Variants in DIAPH2 observed in about 807,000 individuals in gnomAD.
DIAPH2 encodes the protein diaphanous related formin 2.
DIAPH2 carries 35 observed loss-of-function variants against 92.7 expected under a neutral mutation model. That is an observed-to-expected ratio of 0.38 (90% CI 0.29 to 0.50). The LOEUF is 0.50. Ranked by LOEUF, DIAPH2 falls within the 20% of genes least tolerant of loss-of-function variation. The pLI, the probability that DIAPH2 is intolerant of heterozygous loss-of-function variation, is 0.94. For missense variants in DIAPH2, 701 were observed against 819.5 expected (o/e 0.86, Z 1.77); for synonymous variants, 301 against 280.4 (o/e 1.07, Z -0.73).
chrX:97,077,678 TAAAAAACAAAAAAC>T (rs370509695), intron 19 of DIAPH2, among the ~76,000 whole-genome samples: 8 of 111,846 alleles, frequency 7.2e-5, no homozygotes, highest in Non-Finnish European at 1.3e-4. Flanking sequence ...TTGTCTTACT[TAAAAAACAAAAAAC>T]AAAAAACAGA....
intron 19 of DIAPH2, among the ~76,000 whole-genome samples, chrX:97,096,417 C>T (rs1265570261): frequency 8.9e-6 from 1 of 111,801 alleles, no homozygotes; most frequent in Non-Finnish European, 1.9e-5. Flanking sequence ...TTGCAGGACC[C>T]TGATTCTTAT....
At chrX:96,772,126 A>T (rs2064343015) in intron 4 of DIAPH2, among the ~76,000 whole-genome samples, 1 of 111,683 alleles carries the variant, frequency 9.0e-6, no homozygotes, top group Non-Finnish European at 1.9e-5. Flanking sequence ...TAGTTAATCA[A>T]GTTTCTTCTG....
intron 23 of DIAPH2, among the ~76,000 whole-genome samples, chrX:97,285,505 C>G (rs922783549): frequency 1.1e-4 from 12 of 109,386 alleles, no homozygotes; most frequent in Non-Finnish European, 2.1e-4. Flanking sequence ...ATGGATACTA[C>G]AAACTTGGTT....
intron 26 of DIAPH2, among the ~76,000 whole-genome samples, chrX:97,463,340 C>T (rs1252587619): frequency 9.6e-6 from 1 of 104,114 alleles, no homozygotes; most frequent in Non-Finnish European, 2.0e-5. Flanking sequence ...CCCTGTAGGT[C>T]GGGGTCCTTC....
intron 4 of DIAPH2, among the ~76,000 whole-genome samples, chrX:96,785,475 CTTTTTTTTTT>C (rs1157552270): frequency 3.5e-5 from 2 of 57,203 alleles, no homozygotes; most frequent in African/African-American, 6.9e-5. Flanking sequence ...CCAAACTTGC[CTTTTTTTTTT>C]TTTTTTTTTT....
At chrX:96,844,475 C>G (rs1050033929) in intron 4 of DIAPH2, among the ~76,000 whole-genome samples, 1 of 112,274 alleles carries the variant, frequency 8.9e-6, no homozygotes, top group African/African-American at 3.2e-5. Context: ...ATATTCTTTA[C>G]TAAGTCATTA....
intron 26 of DIAPH2, among the ~76,000 whole-genome samples, chrX:97,591,449 C>G (rs947228531): frequency 2.0e-4 from 22 of 112,179 alleles, no homozygotes; most frequent in African/African-American, 7.1e-4. Context: ...CAGAAGAAAG[C>G]CTTTCCTTTC....
intron 21 of DIAPH2, among the ~76,000 whole-genome samples, chrX:97,127,368 A>G (rs1476045943): frequency 8.9e-6 from 1 of 112,162 alleles, no homozygotes. Flanking sequence ...ACATATTAAA[A>G]CAGAATCCTC....
intron 23 of DIAPH2, among the ~76,000 whole-genome samples, chrX:97,258,898 C>T (rs1415926214): frequency 1.1e-5 from 1 of 93,968 alleles, no homozygotes; most frequent in East Asian, 3.4e-4. Context: ...AAAACAACAA[C>T]AACAACAACA....
intron 17 of DIAPH2, among the ~76,000 whole-genome samples, chrX:97,047,637 G>A (rs1236319456): frequency 2.3e-5 from 2 of 87,821 alleles, no homozygotes; most frequent in African/African-American, 4.5e-5. Context: ...AGTTAGCCAA[G>A]TATATACTTT....
chrX:97,258,134 A>C (rs1160734765), intron 23 of DIAPH2, among the ~76,000 whole-genome samples: 5 of 112,231 alleles, frequency 4.5e-5, no homozygotes, highest in Non-Finnish European at 1.9e-5. Context: ...CTCATTATTC[A>C]AGGAATATCC....
chrX:96,999,862 A>G (rs1339326024), intron 17 of DIAPH2, among the ~76,000 whole-genome samples: 1 of 111,199 alleles, frequency 9.0e-6, no homozygotes, highest in Non-Finnish European at 1.9e-5. Context: ...TGTTCTCATG[A>G]TAGTGAATAA....
intron 23 of DIAPH2, among the ~76,000 whole-genome samples, chrX:97,338,745 C>A (rs1474734405): frequency 1.8e-5 from 2 of 112,317 alleles, no homozygotes; most frequent in African/African-American, 6.5e-5. Context: ...TCTATGAGCT[C>A]TATAAACTCT....
At chrX:97,177,704 C>G (rs1333070870) in intron 22 of DIAPH2, among the ~76,000 whole-genome samples, 3 of 50,149 alleles carry the variant, frequency 6.0e-5, no homozygotes, top group Non-Finnish European at 1.1e-4. Flanking sequence ...TCTGAAAAGC[C>G]TACTTAAAAA....
At chrX:97,011,891 CAAAAAAAAAAA>C (rs1169242843) in intron 17 of DIAPH2, among the ~76,000 whole-genome samples, 112 of 32,207 alleles carry the variant, frequency 3.5e-3, no homozygotes, top group African/African-American at 0.015. Flanking sequence ...GACACTGTCT[CAAAAAAAAAAA>C]AAAAAAAAAA....
In DIAPH2 at chrX:97,603,998, C is replaced by CAAATT. The variant is rs1457422532; in HGVS notation, c.*4683_*4687dup. 3 of 112,683 alleles carry CAAATT rather than the reference C, an allele frequency of 2.7e-5. No homozygotes were observed. The highest frequency in any genetic ancestry group is 9.7e-5 in the African/African-American group (3 of 30,943). The allele number at this position is 112,683 out of a possible 1,213,427, so 9.3% of individuals were successfully genotyped here. A position where few individuals can be genotyped will look rare whatever the true frequency, so the allele number is the denominator to read the frequency against. On this transcript the variant is annotated 3_prime_UTR_variant, in exon 27 of 27. Transcript: ENST00000324765. ...CATTAGATTCCCATGGCTGCTGTAA[C>CAAATT]AAATTACCCTCTAGCCCAGTGGCTT...
At chrX:97,576,315 A>G (rs1025461134) in intron 26 of DIAPH2, among the ~76,000 whole-genome samples, 1 of 111,817 alleles carries the variant, frequency 8.9e-6, no homozygotes, top group African/African-American at 3.3e-5. Context: ...ACTGTAAGCC[A>G]GTTTTGTTGC....
At chrX:97,014,026 G>A (rs2066244722) in intron 17 of DIAPH2, among the ~76,000 whole-genome samples, 1 of 112,110 alleles carries the variant, frequency 8.9e-6, no homozygotes, top group Non-Finnish European at 1.9e-5. Context: ...TTGTGATGCA[G>A]TGTATTATTT....
At chrX:97,261,201 G>A (rs983055169) in intron 23 of DIAPH2, among the ~76,000 whole-genome samples, 4 of 112,589 alleles carry the variant, frequency 3.6e-5, no homozygotes, top group African/African-American at 6.4e-5. Context: ...ACACGTGTGT[G>A]TGTGCACGTG....
Sources: gnomAD v4.1 joint callset for allele counts (sites outside exome capture counted in the v4.1 genomes callset) on GRCh38, gnomAD v4.1.1 for gene constraint, MANE v1.5 for transcripts, NCBI Gene and HGNC (gene_info 2026-07-23, HGNC 2026-07-21) for gene names.